NELL2: variants seen among roughly 807,000 people sequenced by gnomAD.
The protein encoded by NELL2 is protein kinase C-binding protein NELL2.
Under a neutral mutation model 109.6 loss-of-function variants are expected in NELL2, and 41 were observed. That is an observed-to-expected ratio of 0.37 (90% CI 0.29 to 0.49). The LOEUF (loss-of-function observed/expected upper bound fraction) is 0.49. Ranked by LOEUF, NELL2 falls within the 20% of genes least tolerant of loss-of-function variation. The pLI, the probability that NELL2 is intolerant of heterozygous loss-of-function variation, is 0.98. For missense variants in NELL2, 900 were observed against 1,008.3 expected (o/e 0.89, Z 1.45); for synonymous variants, 355 against 344.7 (o/e 1.03, Z -0.33).
intron 13 of NELL2, among the ~76,000 whole-genome samples, chr12:44,660,480 T>C (rs538884136): frequency 6.6e-6 from 1 of 152,186 alleles, no homozygotes; most frequent in South Asian, 2.1e-4. Context: ...TTTAGTTGCA[T>C]CCCTGGCCTC....
chr12:44,640,420 A>G (rs1215834914), intron 13 of NELL2, among the ~76,000 whole-genome samples: 1 of 152,206 alleles, frequency 6.6e-6, no homozygotes, highest in East Asian at 1.9e-4. Flanking sequence ...TGATCTGTCC[A>G]TCTCTACAAA....
intron 15 of NELL2, among the ~76,000 whole-genome samples, chr12:44,554,185 T>A (rs1305536231): frequency 6.6e-6 from 1 of 152,240 alleles, no homozygotes; most frequent in African/African-American, 2.4e-5. Context: ...AATTGCACAT[T>A]TGAAAACTTT....
At chr12:44,862,352 TA>T (rs1355213364) in intron 2 of NELL2, among the ~76,000 whole-genome samples, 1 of 152,200 alleles carries the variant, frequency 6.6e-6, no homozygotes, top group Non-Finnish European at 1.5e-5. Flanking sequence ...TATTTCCATT[TA>T]AAAATATAGT....
intron 13 of NELL2, among the ~76,000 whole-genome samples, chr12:44,614,940 C>T (rs924623360): frequency 1.3e-5 from 2 of 151,986 alleles, no homozygotes; most frequent in African/African-American, 2.4e-5. Context: ...CATTTAAGTG[C>T]ATCTACATTT....
intron 12 of NELL2, among the ~76,000 whole-genome samples, chr12:44,687,912 G>A (rs1948778358): frequency 1.3e-5 from 2 of 152,038 alleles, no homozygotes; most frequent in Non-Finnish European, 1.5e-5. Context: ...TTTCTGTAAT[G>A]AAAAATGATA....
intron 13 of NELL2, among the ~76,000 whole-genome samples, chr12:44,629,599 C>G (rs1010032209): frequency 6.6e-6 from 1 of 152,122 alleles, no homozygotes; most frequent in African/African-American, 2.4e-5. Flanking sequence ...ACAGATCGGG[C>G]ACATACAATG....
At chr12:44,743,904 T>C (rs1160175242) in intron 9 of NELL2, among the ~76,000 whole-genome samples, 2 of 152,126 alleles carry the variant, frequency 1.3e-5, no homozygotes, top group East Asian at 1.9e-4. Flanking sequence ...GACAGAAAGT[T>C]AACAAGGATA....
chr12:44,819,022 G>A (rs1439549367), intron 2 of NELL2, among the ~76,000 whole-genome samples: 1 of 152,100 alleles, frequency 6.6e-6, no homozygotes, highest in Non-Finnish European at 1.5e-5. Context: ...GATTACAGGC[G>A]TGAGCCACCG....
chr12:44,605,875 A>C (rs970570306), intron 15 of NELL2, among the ~76,000 whole-genome samples: 1 of 152,248 alleles, frequency 6.6e-6, no homozygotes, highest in East Asian at 1.9e-4. Flanking sequence ...GGTGGAGAGC[A>C]TGCCATAGAA....
At chr12:44,577,814 T>C (rs1293012371) in intron 15 of NELL2, among the ~76,000 whole-genome samples, 1 of 152,126 alleles carries the variant, frequency 6.6e-6, no homozygotes, top group African/African-American at 2.4e-5. Context: ...CCAACGGAAC[T>C]AGCAGACCTT....
intron 1 of NELL2, among the ~76,000 whole-genome samples, chr12:44,904,840 T>C (rs868236652): frequency 6.6e-6 from 1 of 152,038 alleles, no homozygotes. Flanking sequence ...TGAAGATAAA[T>C]AGCTTAAGGG....
At chr12:44,706,356 A>T (rs546428812) in intron 11 of NELL2, among the ~76,000 whole-genome samples, 2 of 152,332 alleles carry the variant, frequency 1.3e-5, no homozygotes, top group South Asian at 4.1e-4. Context: ...TGGAAAATTC[A>T]GACTTGATTT....
rs115711466 is a variant in NELL2 at position 44,784,194 on chromosome 12, A to G, written c.336-4172T>C. Among the ~76,000 whole-genome samples, 1,437 of 152,242 alleles carry G rather than the reference A, an allele frequency of 9.4e-3. 17 individuals are homozygous for G. Among genetic ancestry groups the G allele is most frequent in the African/African-American group, 0.032 (1,334 of 41,544 alleles). ...AATAAAAAGCAACTATAAATAAACT[A>G]CAGTTAACATCATACTCAATGGTGA... On this transcript the variant is annotated intron_variant, in intron 3 of 19. Transcript: ENST00000429094.
chr12:44,737,182 TAAGATA>T (rs1939695659), intron 9 of NELL2, among the ~76,000 whole-genome samples: 1 of 152,084 alleles, frequency 6.6e-6, no homozygotes, highest in South Asian at 2.1e-4. Context: ...TTGCTCAGAT[TAAGATA>T]AAGTATGTTT....
intron 16 of NELL2, among the ~76,000 whole-genome samples, chr12:44,528,916 T>C (rs541801142): frequency 1.3e-5 from 2 of 152,232 alleles, no homozygotes; most frequent in African/African-American, 4.8e-5. Context: ...TGCAAAGAAA[T>C]CTGTTTCATA....
chr12:44,755,274 G>C (rs558231696), intron 9 of NELL2, among the ~76,000 whole-genome samples: 1 of 152,264 alleles, frequency 6.6e-6, no homozygotes, highest in South Asian at 2.1e-4. Context: ...CTGTACTTCA[G>C]AGTCAGAAGG....
intron 15 of NELL2, among the ~76,000 whole-genome samples, chr12:44,574,145 C>T (rs1943976706): frequency 6.6e-6 from 1 of 151,950 alleles, no homozygotes; most frequent in South Asian, 2.1e-4. Flanking sequence ...ATCACTGCAA[C>T]CTCTGTCTCT....
intron 1 of NELL2, among the ~76,000 whole-genome samples, chr12:44,895,218 G>A (rs1945579551): frequency 6.6e-6 from 1 of 152,166 alleles, no homozygotes; most frequent in Admixed American, 6.5e-5. Flanking sequence ...GGTGTCAGAA[G>A]AGCATCTATT....
At chr12:44,893,750 T>A (rs1221047150) in intron 1 of NELL2, among the ~76,000 whole-genome samples, 1 of 152,114 alleles carries the variant, frequency 6.6e-6, no homozygotes, top group Non-Finnish European at 1.5e-5. Flanking sequence ...CCATGTAGCA[T>A]CCTAAATAAT....
Sources: gnomAD v4.1 joint callset for allele counts (sites outside exome capture counted in the v4.1 genomes callset) on GRCh38, gnomAD v4.1.1 for gene constraint, MANE v1.5 for transcripts, NCBI Gene and HGNC (gene_info 2026-07-23, HGNC 2026-07-21) for gene names.